FOXP2: variants seen among roughly 807,000 people sequenced by gnomAD.
FOXP2 encodes forkhead box P2.
In FOXP2, 12 loss-of-function variants were observed where a neutral mutation model predicts 115.8. That is an observed-to-expected ratio of 0.10 (90% CI 0.07 to 0.17). The LOEUF is 0.17. Among genes scored for constraint, FOXP2 ranks in the 10% least tolerant of loss-of-function variants. The probability of loss-of-function intolerance (pLI) is 1.00; values close to 1 mark genes in which losing one functional copy is unlikely to be tolerated. For synonymous variants in FOXP2, 328 were observed against 297.7 expected, an observed-to-expected ratio of 1.10 and a Z score of -1.05; for missense variants, 629 against 843.5, an observed-to-expected ratio of 0.75 and a Z score of 3.15.
intron 3 of FOXP2, among the ~76,000 whole-genome samples, chr7:114,592,536 T>G (rs1203072322): frequency 2.0e-5 from 3 of 152,030 alleles, no homozygotes; most frequent in Non-Finnish European, 4.4e-5. Flanking sequence ...CATGTTCTAT[T>G]TTCTTTACAG....
chr7:114,516,826 G>C (rs1584837859), intron 2 of FOXP2, among the ~76,000 whole-genome samples: 1 of 151,974 alleles, frequency 6.6e-6, no homozygotes, highest in Non-Finnish European at 1.5e-5. Context: ...CTCCTGAGTA[G>C]TTGGGACTAC....
At chr7:114,624,795 T>A (rs1804449755) in intron 3 of FOXP2, among the ~76,000 whole-genome samples, 1 of 151,648 alleles carries the variant, frequency 6.6e-6, no homozygotes, top group African/African-American at 2.4e-5. Context: ...TACATATGAT[T>A]TTAGGATGAC....
intron 1 of FOXP2, among the ~76,000 whole-genome samples, chr7:114,123,961 A>G (rs1256437272): frequency 6.6e-6 from 1 of 152,196 alleles, no homozygotes; most frequent in African/African-American, 2.4e-5. Flanking sequence ...CGTCTTCTCT[A>G]TGGAATTATG....
intron 3 of FOXP2, among the ~76,000 whole-genome samples, chr7:114,614,134 G>T (rs1803793890): frequency 6.6e-6 from 1 of 152,144 alleles, no homozygotes; most frequent in Non-Finnish European, 1.5e-5. Flanking sequence ...TTTTAATTTT[G>T]ATAGATACTA....
At chr7:114,182,221 A>G (rs1793476264) in intron 1 of FOXP2, among the ~76,000 whole-genome samples, 1 of 152,064 alleles carries the variant, frequency 6.6e-6, no homozygotes, top group African/African-American at 2.4e-5. Flanking sequence ...ATAAAACTTC[A>G]TATATTTTCA....
chr7:114,225,249 T>A (rs1277711016), intron 1 of FOXP2, among the ~76,000 whole-genome samples: 1 of 152,088 alleles, frequency 6.6e-6, no homozygotes, highest in Non-Finnish European at 1.5e-5. Flanking sequence ...GTGAGTTCCT[T>A]CAAAGTTTGC....
intron 2 of FOXP2, among the ~76,000 whole-genome samples, chr7:114,509,926 A>G (rs945938064): frequency 2.6e-5 from 4 of 151,072 alleles, no homozygotes; most frequent in African/African-American, 4.9e-5. Context: ...GAAAAGAGAG[A>G]AAAAAAAAGG....
At chr7:114,404,605 C>T (rs1411802231) in intron 2 of FOXP2, among the ~76,000 whole-genome samples, 1 of 152,020 alleles carries the variant, frequency 6.6e-6, no homozygotes, top group Non-Finnish European at 1.5e-5. Flanking sequence ...AAATCAAAAT[C>T]GCCTTTTTAA....
At chr7:114,297,232 T>A (rs1049090670) in intron 2 of FOXP2, 3 of 485,350 alleles carry the variant, frequency 6.2e-6, no homozygotes, top group South Asian at 5.9e-5. Flanking sequence ...GGCCCGTTTG[T>A]CCTTGGAGAC....
chr7:114,427,918 A>G (rs974226840), intron 2 of FOXP2, among the ~76,000 whole-genome samples: 2 of 151,674 alleles, frequency 1.3e-5, no homozygotes, highest in East Asian at 1.9e-4. Context: ...TTCACAGACA[A>G]TAAGTATTAG....
intron 1 of FOXP2, among the ~76,000 whole-genome samples, chr7:114,129,815 T>C (rs567842490): frequency 3.8e-4 from 58 of 152,368 alleles, no homozygotes; most frequent in African/African-American, 1.3e-3. Flanking sequence ...AGAAACTACC[T>C]GATTCACATA....
At chr7:114,601,452 T>C (rs1415188966) in intron 3 of FOXP2, among the ~76,000 whole-genome samples, 6 of 152,218 alleles carry the variant, frequency 3.9e-5, no homozygotes, top group African/African-American at 7.2e-5. Flanking sequence ...ACATTATGTC[T>C]GTGATCCAGA....
rs1019405193 is a variant in FOXP2, at chr7:114,196,137, C to T, written c.-102+33049C>T. Among the ~76,000 whole-genome samples the T allele has an allele frequency of 4.6e-5, 7 of 151,924 alleles. No homozygotes were observed. In the South Asian group the frequency reaches 1.5e-3, roughly 32 times the overall value. On this transcript the variant is annotated intron_variant, in intron 1 of 17. Coordinates refer to the FOXP2 transcript ENST00000634411. ...AAGTGATTCTCCTGCCTCAGCCTCC[C>T]GAGTAGCTGGGACTAGGGCGCGCGT...
At chr7:114,240,830 G>A (rs1037373097) in intron 1 of FOXP2, among the ~76,000 whole-genome samples, 3 of 151,886 alleles carry the variant, frequency 2.0e-5, no homozygotes, top group Middle Eastern at 3.4e-3. Context: ...TGATGATTCA[G>A]TTAACCAAAC....
chr7:114,105,143 G>T (rs1341490492), intron 1 of FOXP2, among the ~76,000 whole-genome samples: 1 of 151,974 alleles, frequency 6.6e-6, no homozygotes, highest in Non-Finnish European at 1.5e-5. Context: ...TGATGAGATA[G>T]TCGTGGGTTT....
rs1363089856 is a variant in FOXP2 at position 114,691,683 on chromosome 7, C to T, written c.*1757C>T. 8.8e-6 allele frequency: 4 copies of T among 453,846 alleles called. No homozygotes were observed. Among genetic ancestry groups the T allele is most frequent in the African/African-American group, 6.0e-5 (3 of 49,944 alleles). 28.1% of individuals were successfully genotyped at this position (453,846 alleles called of 1,614,324 possible). ...TCCCCCAACCAAGGGACCTCATAAC[C>T]TGATTATGGTTATTGCTTTACAAAC... is the stretch of plus-strand genomic sequence containing the variant. On this transcript the variant is annotated 3_prime_UTR_variant, in exon 17 of 17. Coordinates refer to ENST00000350908, the MANE Select transcript of FOXP2 (RefSeq NM_014491.4).
At chr7:114,602,872 T>C (rs1480332405) in intron 3 of FOXP2, among the ~76,000 whole-genome samples, 1 of 152,164 alleles carries the variant, frequency 6.6e-6, no homozygotes, top group Non-Finnish European at 1.5e-5. Flanking sequence ...AAAATACTAA[T>C]ATTCTTTAGC....
intron 1 of FOXP2, among the ~76,000 whole-genome samples, chr7:114,191,465 A>G (rs957297811): frequency 6.6e-6 from 1 of 152,174 alleles, no homozygotes; most frequent in African/African-American, 2.4e-5. Context: ...AAAAACTTTG[A>G]GTTTTTCTCG....
At chr7:114,359,239 T>G (rs1354750925) in intron 2 of FOXP2, among the ~76,000 whole-genome samples, 1 of 152,224 alleles carries the variant, frequency 6.6e-6, no homozygotes, top group African/African-American at 2.4e-5. Context: ...ATGCTGAGCC[T>G]GCAAGTGCAC....
Sources: allele counts gnomAD v4.1 joint callset (sites outside exome capture counted in the v4.1 genomes callset), GRCh38; gene constraint gnomAD v4.1.1; transcripts MANE v1.5; gene names NCBI Gene and HGNC (gene_info 2026-07-23, HGNC 2026-07-21).